The following AKAP9 variants were observed in gnomAD, a reference collection of about 807,000 sequenced individuals.
AKAP9 encodes A-kinase anchoring protein 9.
In AKAP9, 311 loss-of-function variants were observed where a neutral mutation model predicts 488.5. The ratio of observed to expected loss-of-function variants is 0.64; its 90% CI spans 0.58 to 0.70. The LOEUF (loss-of-function observed/expected upper bound fraction) is 0.70, where lower values mean the gene tolerates loss of function less well. Ranked by LOEUF, AKAP9 falls within the 30% of genes least tolerant of loss-of-function variation. The pLI, the probability that AKAP9 is intolerant of heterozygous loss-of-function variation, is 0.00. For synonymous variants in AKAP9, 1,462 were observed against 1,483.5 expected (o/e 0.99, Z 0.33); for missense variants, 4,215 against 4,374.5 (o/e 0.96, Z 1.03).
At chr7:92,072,906 A>G (rs982977541) in intron 28 of AKAP9, among the ~76,000 whole-genome samples, 4 of 152,188 alleles carry the variant, frequency 2.6e-5, no homozygotes, top group African/African-American at 9.7e-5. Flanking sequence ...AGATGTGTAA[A>G]CTGAGCCTTA....
At chr7:92,009,151 C>T (rs966353712) in intron 8 of AKAP9, among the ~76,000 whole-genome samples, 1 of 151,928 alleles carries the variant, frequency 6.6e-6, no homozygotes, top group South Asian at 2.1e-4. Context: ...AGATGCCTGT[C>T]TCCACAAAAA....
chr7:92,076,736 T>C (rs1198673961), intron 28 of AKAP9, 119 bp from the exon 29 acceptor site: 1 of 589,752 alleles, frequency 1.7e-6, no homozygotes, highest in Non-Finnish European at 2.8e-6. Flanking sequence ...CATTCCTTTA[T>C]TCTTATGACT....
intron 16 of AKAP9, among the ~76,000 whole-genome samples, chr7:92,037,237 A>G (rs1180247955): frequency 2.0e-5 from 3 of 152,296 alleles, no homozygotes; most frequent in South Asian, 2.1e-4. Context: ...GAGCTTAGGC[A>G]AGATTATAGG....
At chr7:92,004,335 G>A (rs1799537984) in intron 8 of AKAP9, among the ~76,000 whole-genome samples, 1 of 151,512 alleles carries the variant, frequency 6.6e-6, no homozygotes, top group Non-Finnish European at 1.5e-5. Context: ...TTCCAATTCT[G>A]TGAAGAAAGT....
Position 92,052,951 on chromosome 7 carries a change from G to T in AKAP9, c.5594G>T (p.Ser1865Ile). Reference sequence around the variant, plus strand: ...CTCCTAGAAGCCATAAGTGAAACTAGCAGTCAGGTAACCTCCTTATATTGC... The same window carrying T: ...CTCCTAGAAGCCATAAGTGAAACTATCAGTCAGGTAACCTCCTTATATTGC... ...EKLLEAISET[S>I]SQLEHAKVTQ... Residue 1865 changes from serine (S) to isoleucine (I), a missense_variant, in exon 22 of 50, where the codon AGC becomes ATC. Coordinates refer to ENST00000356239, the MANE Select transcript of AKAP9 (RefSeq NM_005751.5). 1 of 1,612,446 alleles carries T rather than the reference G, an allele frequency of 6.2e-7. No homozygotes were observed. The highest frequency in any genetic ancestry group is 8.5e-7 in the Non-Finnish European group (1 of 1,178,680).
Position 91,995,714 on chromosome 7 carries a change from C to A in AKAP9, c.844C>A (p.His282Asn). The part of the protein sequence containing the change: ...THQQQLEEQD[H>N]LLEDYQKKKE... ...TCAACAGCAGCTTGAAGAACAAGAC[C>A]ACTTATTAGAAGATTATCAGAAAAA... is the stretch of plus-strand genomic sequence containing the variant. The change falls in exon 7 of 50, where the codon CAC becomes AAC. Residue 282 changes from histidine (H) to asparagine (N), a missense_variant. By Grantham distance (68) the His-to-Asn change is moderately conservative. Around this residue, in one of 5 missense-constraint regions of AKAP9, gnomAD observed 2,361 missense variants for 2,430.0 expected, o/e 0.97. Coordinates refer to ENST00000356239, the MANE Select transcript of AKAP9 (RefSeq NM_005751.5). 1 of 1,613,672 alleles carries A rather than the reference C, an allele frequency of 6.2e-7. No individual in the cohort carries two copies. The highest frequency in any genetic ancestry group is 8.5e-7 in the Non-Finnish European group (1 of 1,179,732).
intron 3 of AKAP9, among the ~76,000 whole-genome samples, chr7:91,982,977 A>G (rs1442474619): frequency 2.0e-5 from 3 of 151,718 alleles, no homozygotes; most frequent in African/African-American, 7.3e-5. Context: ...GGCTTCATAA[A>G]TGTCTGCTTT....
intron 14 of AKAP9, among the ~76,000 whole-genome samples, chr7:92,025,946 T>C (rs973990314): frequency 6.6e-6 from 1 of 152,200 alleles, no homozygotes; most frequent in Non-Finnish European, 1.5e-5. Context: ...CATAGTGATA[T>C]AACTAAAATG....
At chr7:91,983,002 T>C (rs1206446226) in intron 3 of AKAP9, among the ~76,000 whole-genome samples, 1 of 152,200 alleles carries the variant, frequency 6.6e-6, no homozygotes, top group Non-Finnish European at 1.5e-5. Flanking sequence ...AAGTGTCTGT[T>C]CATATCCTTT....
intron 38 of AKAP9, 192 bp from the exon 39 acceptor site, chr7:92,092,905 C>T: frequency 1.8e-6 from 1 of 541,490 alleles, no homozygotes; most frequent in Admixed American, 3.1e-5. Flanking sequence ...CCCACCTCAG[C>T]CTCCCAAAGT....
chr7:91,942,884 A>G (rs1330554479), intron 1 of AKAP9, among the ~76,000 whole-genome samples: 1 of 152,140 alleles, frequency 6.6e-6, no homozygotes, highest in Non-Finnish European at 1.5e-5. Context: ...ATATAAATCT[A>G]TGAGACTTGT....
At chr7:92,043,440 A>T (rs1265273531) in intron 20 of AKAP9, 3 of 656,100 alleles carry the variant, frequency 4.6e-6, no homozygotes, top group Non-Finnish European at 5.7e-6. Flanking sequence ...TATATTATTT[A>T]TCTCTAATTG....
Position 92,089,502 on chromosome 7 carries a change from G to C in AKAP9, c.9331G>C (p.Glu3111Gln), listed in dbSNP as rs1224307402. Residue 3111 changes from glutamate (E) to glutamine (Q), a missense_variant, in exon 38 of 50, where the codon GAA becomes CAA. Physicochemically the swap from Glu to Gln is conservative, Grantham distance 29. Transcript: ENST00000356239. ...TGGTAGGAAAATTACTCTGAAAAGA[G>C]AACAAGAGAGTGAGAAACCAAGCCA... is the stretch of plus-strand genomic sequence containing the variant. ...MNGRKITLKR[E>Q]QESEKPSQEL... The C allele has an allele frequency of 2.5e-6, 4 of 1,613,342 alleles. No individual in the cohort carries two copies. Among genetic ancestry groups the C allele is most frequent in the Admixed American group, 1.7e-5 (1 of 59,992 alleles).
chr7:92,108,768 C>G (rs1818926145), intron 49 of AKAP9, 135 bp downstream of exon 49: 3 of 1,077,468 alleles, frequency 2.8e-6, no homozygotes, highest in Non-Finnish European at 4.2e-6. Context: ...TTAAGTTAGC[C>G]AAAGCTTAAA....
intron 28 of AKAP9, among the ~76,000 whole-genome samples, chr7:92,074,567 G>T (rs1376229730): frequency 6.6e-6 from 1 of 152,130 alleles, no homozygotes; most frequent in Non-Finnish European, 1.5e-5. Context: ...GCACACATAG[G>T]TTTATTGCAG....
chr7:92,081,690 G>T (rs1813616857), intron 31 of AKAP9, among the ~76,000 whole-genome samples: 2 of 151,896 alleles, frequency 1.3e-5, no homozygotes, highest in South Asian at 4.1e-4. Flanking sequence ...AAAATGCGTA[G>T]TTGACCTCTG....
chr7:92,054,684 G>A (rs1808492981), intron 22 of AKAP9, among the ~76,000 whole-genome samples: 2 of 151,928 alleles, frequency 1.3e-5, no homozygotes, highest in African/African-American at 4.8e-5. Context: ...GATTTGAGGG[G>A]TAACTTGCCC....
At chr7:91,965,269 T>C (rs1308462865) in intron 1 of AKAP9, among the ~76,000 whole-genome samples, 1 of 152,212 alleles carries the variant, frequency 6.6e-6, no homozygotes, top group Non-Finnish European at 1.5e-5. Context: ...CTCCCATATA[T>C]GAGTGAGAAC....
Position 91,941,097 on chromosome 7 carries a change from G to C in AKAP9, c.-3G>C. The C allele has an allele frequency of 3.1e-6, 5 of 1,614,008 alleles. No individual in the cohort carries two copies. The highest frequency in any genetic ancestry group is 4.2e-6 in the Non-Finnish European group (5 of 1,179,850). On this transcript the variant is annotated 5_prime_UTR_variant, in exon 1 of 50. Transcript: ENST00000356239. ...GTTTTCCCCTGCCTTCCTTGCAGAGGCCATGGAGGACGAGGAGAGACAGAA... is the reference window on the plus strand; with the variant it reads ...GTTTTCCCCTGCCTTCCTTGCAGAGCCCATGGAGGACGAGGAGAGACAGAA...
Sources: gnomAD v4.1 joint callset for allele counts (sites outside exome capture counted in the v4.1 genomes callset) on GRCh38, gnomAD v4.1.1 for gene constraint, gnomAD v4.1.1 regional missense constraint, MANE v1.5 for transcripts, NCBI Gene and HGNC (gene_info 2026-07-23, HGNC 2026-07-21) for gene names.